Variants in FBXO27 observed in about 807,000 individuals in gnomAD.
FBXO27 encodes the protein F-box protein 27, also known as F-box only protein 27.
Under a neutral mutation model 28.3 loss-of-function variants are expected in FBXO27, and 28 were observed. The observed-to-expected ratio is 0.99, with a 90% CI of 0.73 to 1.36. FBXO27 has a LOEUF of 1.36. Among genes scored for constraint, FBXO27 ranks in the 40% most tolerant of loss-of-function variants. The pLI is 0.00. For synonymous variants in FBXO27, 175 were observed against 167.3 expected, an observed-to-expected ratio of 1.05 and a Z score of -0.36; for missense variants, 388 against 394.1, an observed-to-expected ratio of 0.98 and a Z score of 0.13.
At chr19:39,012,266 C>G (rs969664816) in intron 2 of FBXO27, among the ~76,000 whole-genome samples, 1 of 146,992 alleles carries the variant, frequency 6.8e-6, no homozygotes, top group African/African-American at 2.5e-5. Context: ...CTTACCGCAA[C>G]CTCAGCCTCC....
intron 4 of FBXO27, 35 bp from the exon 5 acceptor site, chr19:39,027,040 C>T (rs762012720): frequency 1.9e-6 from 3 of 1,612,242 alleles, no homozygotes; most frequent in South Asian, 1.1e-5. Context: ...GCTGGACCTG[C>T]CACCCCATCT....
At chr19:39,028,431 G>C (rs987001765) in intron 4 of FBXO27, among the ~76,000 whole-genome samples, 2 of 151,742 alleles carry the variant, frequency 1.3e-5, no homozygotes, top group Admixed American at 6.6e-5. Flanking sequence ...AGTTTGATAA[G>C]TAATAACAAA....
At chr19:39,029,755 G>T (rs2072892329) in intron 4 of FBXO27, among the ~76,000 whole-genome samples, 1 of 152,150 alleles carries the variant, frequency 6.6e-6, no homozygotes, top group South Asian at 2.1e-4. Flanking sequence ...CATCACTACA[G>T]AGGACAAGCT....
intron 4 of FBXO27, among the ~76,000 whole-genome samples, chr19:39,029,151 C>T (rs1183558196): frequency 1.3e-5 from 2 of 151,312 alleles, no homozygotes; most frequent in African/African-American, 4.9e-5. Flanking sequence ...GCTGGCCAGG[C>T]ACAGTGGCTT....
chr19:39,017,708 C>G (rs1261220634), intron 1 of FBXO27, among the ~76,000 whole-genome samples: 2 of 150,950 alleles, frequency 1.3e-5, no homozygotes, highest in Non-Finnish European at 2.9e-5. Flanking sequence ...TCACAAAATA[C>G]AAAGGAGCTT....
rs1312291712 is a variant in FBXO27, at chr19:39,031,916, G to A, written c.312C>T (p.Phe104=). 2 of 1,506,078 alleles carry A rather than the reference G, an allele frequency of 1.3e-6. No homozygotes were observed. Among genetic ancestry groups the A allele is most frequent in the East Asian group, 2.6e-5 (1 of 38,736 alleles). The allele number at this position is 1,506,078 out of a possible 1,614,324, so 93.3% of individuals were successfully genotyped here. A position where few individuals can be genotyped will look rare whatever the true frequency, so the allele number is the denominator to read the frequency against. ...RNARPCPLGR[F]CARRPIGRNL... ...TGCGTCCGATGGGTCTGCGCGCGCA[G>A]AAGCGGCCCAGGGGGCAAGGCCTGG... Residue 104 remains phenylalanine (F), a synonymous_variant, in exon 2 of 6, where the codon TTC becomes TTT. Coordinates refer to ENST00000292853, the MANE Select transcript of FBXO27 (RefSeq NM_178820.5).
At chr19:39,031,187 T>A in intron 3 of FBXO27, 22 bp downstream of exon 3, 1 of 1,613,698 alleles carries the variant, frequency 6.2e-7, no homozygotes, top group Non-Finnish European at 8.5e-7. Context: ...GGGCCGGACC[T>A]TTGGATAGCA....
At position 39,032,108 on chromosome 19, in the gene FBXO27, G is replaced by A; in HGVS notation, c.120C>T (p.His40=). ...PPELLLVVLS[H]VPPRTLLGRC... ...GCCCGAGCAGCGTGCGCGGGGGGAC[G>A]TGGCTCAGCACCACCAGAAGCAGCT... The change falls in exon 2 of 6, where the codon CAC becomes CAT. Residue 40 remains histidine (H), a synonymous_variant. Coordinates refer to ENST00000292853, the MANE Select transcript of FBXO27 (RefSeq NM_178820.5). This position sits in a 1 kb window ranked among gnomAD's most constrained non-coding sequence, Gnocchi z 4.7. 6.5e-7 allele frequency: 1 copy of A among 1,533,124 alleles called. No homozygotes were observed. The highest frequency in any genetic ancestry group is 8.7e-7 in the Non-Finnish European group (1 of 1,147,698). 95.0% of individuals were successfully genotyped at this position (1,533,124 alleles called of 1,614,324 possible). A position where few individuals can be genotyped will look rare whatever the true frequency, so the allele number is the denominator to read the frequency against.
At chr19:39,030,753 C>T (rs1331840284) in intron 4 of FBXO27, 3 of 460,552 alleles carry the variant, frequency 6.5e-6, no homozygotes, top group African/African-American at 2.0e-5. Context: ...CAGGTGTGCA[C>T]TACCAGGCCC....
At chr19:39,027,117 G>T in intron 4 of FBXO27, 112 bp from the exon 5 acceptor site, 1 of 1,353,412 alleles carries the variant, frequency 7.4e-7, no homozygotes, top group Non-Finnish European at 1.0e-6. Context: ...CCTCTAAAGA[G>T]ACTCCTGGGA....
At chr19:39,020,755 C>CAAAAAAAAAAAAAAAA (rs61577516), downstream of FBXO27, among the ~76,000 whole-genome samples, 1 of 105,282 alleles carries the variant, frequency 9.5e-6, no homozygotes, top group Non-Finnish European at 1.9e-5. Flanking sequence ...GTGGATATGG[C>CAAAAAAAAAAAAAAAA]AAAAAAAAAA....
chr19:39,031,732 CCT>C, intron 2 of FBXO27, 130 bp downstream of exon 2: 1 of 1,357,290 alleles, frequency 7.4e-7, no homozygotes, highest in Non-Finnish European at 9.6e-7. Flanking sequence ...CTCTCCGACT[CCT>C]CCCACCGGTC....
intron 1 of FBXO27, among the ~76,000 whole-genome samples, chr19:39,017,039 C>T (rs182369363): frequency 1.1e-4 from 17 of 152,140 alleles, no homozygotes; most frequent in Middle Eastern, 3.4e-3. Context: ...GAGCCATGAT[C>T]GCGCCACTGC....
chr19:39,011,441 T>A (rs755635764), intron 2 of FBXO27, among the ~76,000 whole-genome samples: 56 of 151,848 alleles, frequency 3.7e-4, no homozygotes, highest in Non-Finnish European at 5.7e-4. Flanking sequence ...CTCAAAACAA[T>A]TTTTTTTTGA....
At chr19:39,017,007 C>G (rs1018894076) in intron 1 of FBXO27, among the ~76,000 whole-genome samples, 1 of 151,966 alleles carries the variant, frequency 6.6e-6, no homozygotes, top group Non-Finnish European at 1.5e-5. Context: ...ATCATTTGAG[C>G]CCAGGAGGTC....
chr19:39,016,082 C>T (rs1260755463), intron 1 of FBXO27, among the ~76,000 whole-genome samples: 2 of 151,956 alleles, frequency 1.3e-5, no homozygotes, highest in Non-Finnish European at 2.9e-5. Context: ...AAAACAAATA[C>T]AAAACGAAAC....
rs574488926 is a variant in FBXO27 at position 39,011,726 on chromosome 19, C to T, written c.252+2661G>A. Among the ~76,000 whole-genome samples, 6 of 151,112 alleles carry T rather than the reference C, an allele frequency of 4.0e-5. No homozygotes were observed. In the South Asian group the frequency reaches 1.3e-3, roughly 32 times the overall value. On this transcript the variant is annotated intron_variant, in intron 2 of 2. Transcript: ENST00000598394. ...GGGGGGTCTCCCTTTGTTGCCCCGG[C>T]TGGTCTTGAACTCTTGGCCTCAAGC...
intron 1 of FBXO27, among the ~76,000 whole-genome samples, chr19:39,014,929 A>T (rs2072812566): frequency 1.3e-5 from 2 of 151,080 alleles, no homozygotes; most frequent in Non-Finnish European, 1.5e-5. Flanking sequence ...GAGGCAAGAG[A>T]ATCACTTGAA....
downstream of FBXO27, among the ~76,000 whole-genome samples, chr19:39,020,221 A>G (rs1339155876): frequency 1.3e-5 from 2 of 152,172 alleles, no homozygotes; most frequent in Non-Finnish European, 2.9e-5. Flanking sequence ...GCCCTTACAC[A>G]GAAAACTGCT....
Sources: allele counts gnomAD v4.1 joint callset (sites outside exome capture counted in the v4.1 genomes callset), GRCh38; gene constraint gnomAD v4.1.1; non-coding constraint Gnocchi (gnomAD v3.1); transcripts MANE v1.5; gene names NCBI Gene and HGNC (gene_info 2026-07-23, HGNC 2026-07-21).